SLCO6A1: variants seen among roughly 807,000 people sequenced by gnomAD.
SLCO6A1 encodes solute carrier organic anion transporter family member 6A1, also known as cancer/testis antigen 48.
In SLCO6A1, 65 loss-of-function variants were observed where a neutral mutation model predicts 72.7. That is an observed-to-expected ratio of 0.89 (90% CI 0.73 to 1.10). The LOEUF is 1.10. SLCO6A1 is among the 50% of genes least tolerant of loss of function. The pLI, the probability that SLCO6A1 is intolerant of heterozygous loss-of-function variation, is 0.00. For missense variants in SLCO6A1, 874 were observed against 872.6 expected (o/e 1.00, Z -0.02); for synonymous variants, 314 against 298.2 (o/e 1.05, Z -0.55).
intron 4 of SLCO6A1, among the ~76,000 whole-genome samples, chr5:102,468,454 T>C (rs2112791414): frequency 6.6e-6 from 1 of 152,204 alleles, no homozygotes; most frequent in African/African-American, 2.4e-5. Flanking sequence ...TATTATTGTG[T>C]TGTCATCTAT....
At chr5:102,421,813 T>C (rs1448417031) in intron 7 of SLCO6A1, among the ~76,000 whole-genome samples, 1 of 152,168 alleles carries the variant, frequency 6.6e-6, no homozygotes, top group African/African-American at 2.4e-5. Flanking sequence ...CTGACTCCCA[T>C]GCCTCCTGAC....
intron 9 of SLCO6A1, among the ~76,000 whole-genome samples, chr5:102,401,186 A>T (rs889513470): frequency 1.3e-5 from 2 of 151,050 alleles, no homozygotes; most frequent in African/African-American, 2.4e-5. Flanking sequence ...TGTTTCAAGT[A>T]AAAAAAAAGG....
At chr5:102,491,677 G>A (rs185539846) in intron 1 of SLCO6A1, among the ~76,000 whole-genome samples, 11 of 152,350 alleles carry the variant, frequency 7.2e-5, no homozygotes, top group East Asian at 3.9e-4. Context: ...CCCAGAACTC[G>A]TGCTGGCCCG....
At chr5:102,420,119 CA>C (rs1454550705) in intron 7 of SLCO6A1, 98 bp from the exon 8 acceptor site, 1 of 986,144 alleles carries the variant, frequency 1.0e-6, no homozygotes, top group Non-Finnish European at 1.4e-6. Context: ...AAACATATAG[CA>C]AACATGTATT....
At chr5:102,460,897 C>CTCAT (rs1750991191) in intron 4 of SLCO6A1, among the ~76,000 whole-genome samples, 1 of 34,934 alleles carries the variant, frequency 2.9e-5, no homozygotes, top group East Asian at 7.4e-4. Context: ...ACCCACTTAT[C>CTCAT]TCATATATAT....
At chr5:102,464,447 C>CA (rs548132074) in intron 4 of SLCO6A1, among the ~76,000 whole-genome samples, 11 of 151,604 alleles carry the variant, frequency 7.3e-5, no homozygotes, top group Non-Finnish European at 1.5e-4. Context: ...GAAGCAAATT[C>CA]AAAAAAATAC....
chr5:102,466,177 C>T (rs563485418), intron 4 of SLCO6A1, among the ~76,000 whole-genome samples: 9 of 152,014 alleles, frequency 5.9e-5, no homozygotes, highest in Non-Finnish European at 8.8e-5. Flanking sequence ...TTTTCCTCCC[C>T]CCACCCTCTG....
intron 9 of SLCO6A1, among the ~76,000 whole-genome samples, chr5:102,407,366 T>C (rs1325729234): frequency 6.6e-6 from 1 of 152,226 alleles, no homozygotes; most frequent in Non-Finnish European, 1.5e-5. Flanking sequence ...ACATTGCCTA[T>C]TGGGTACTGC....
At chr5:102,450,158 A>G (rs898273011) in intron 6 of SLCO6A1, among the ~76,000 whole-genome samples, 2 of 152,188 alleles carry the variant, frequency 1.3e-5, no homozygotes, top group African/African-American at 4.8e-5. Flanking sequence ...GTGAATAAGC[A>G]TTGCTGGGGA....
chr5:102,414,627 C>G (rs1561441491), intron 8 of SLCO6A1, among the ~76,000 whole-genome samples: 1 of 152,168 alleles, frequency 6.6e-6, no homozygotes, highest in East Asian at 1.9e-4. Context: ...GGCACGATGG[C>G]TCATGCCTAT....
intron 3 of SLCO6A1, among the ~76,000 whole-genome samples, chr5:102,476,039 A>T (rs1025304137): frequency 6.6e-6 from 1 of 152,130 alleles, no homozygotes; most frequent in African/African-American, 2.4e-5. Flanking sequence ...GATATAATGG[A>T]CTTTGGGGAC....
intron 7 of SLCO6A1, among the ~76,000 whole-genome samples, chr5:102,436,189 TA>T (rs1749526775): frequency 6.6e-6 from 1 of 152,228 alleles, no homozygotes; most frequent in Non-Finnish European, 1.5e-5. Flanking sequence ...TGCCATTGGC[TA>T]CAAGAAGGTG....
chr5:102,445,538 G>A (rs1750062888), intron 6 of SLCO6A1, among the ~76,000 whole-genome samples: 1 of 152,148 alleles, frequency 6.6e-6, no homozygotes, highest in South Asian at 2.1e-4. Context: ...TGTGTACTCT[G>A]TTGATAGTTT....
intron 6 of SLCO6A1, among the ~76,000 whole-genome samples, chr5:102,450,441 G>A (rs186220162): frequency 2.7e-3 from 404 of 152,326 alleles, no homozygotes; most frequent in Non-Finnish European, 5.1e-3. Flanking sequence ...CCAGTAGATG[G>A]CACTTAAGCA....
chr5:102,377,909 T>G (rs1472473529), intron 12 of SLCO6A1, among the ~76,000 whole-genome samples: 1 of 151,532 alleles, frequency 6.6e-6, no homozygotes, highest in Non-Finnish European at 1.5e-5. Context: ...CTTTTTTTTT[T>G]TTTTAATAAA....
At chr5:102,409,789 AAG>A (rs1301299693) in intron 9 of SLCO6A1, among the ~76,000 whole-genome samples, 2 of 152,300 alleles carry the variant, frequency 1.3e-5, no homozygotes, top group Middle Eastern at 3.4e-3. Context: ...GAAAACTATG[AAG>A]AGTTTCATGA....
rs181665533 is a variant in SLCO6A1, at chr5:102,374,104, C to G, written c.2018-610G>C. Among the ~76,000 whole-genome samples, 627 of 151,242 alleles carry G rather than the reference C, an allele frequency of 4.1e-3. 8 individuals carry two copies. Among genetic ancestry groups the G allele is most frequent in the African/African-American group, 0.015 (603 of 41,164 alleles). ...CCAGGCTGGAGTGCAGTGGCACGAT[C>G]TTGGCTTACTGCAGCCTTGACCTTC... On this transcript the variant is annotated intron_variant, in intron 12 of 13. Coordinates refer to ENST00000506729, the MANE Select transcript of SLCO6A1 (RefSeq NM_173488.5).
rs1457802367 is a variant in SLCO6A1 at position 102,459,735 on chromosome 5, C to T, written c.942G>A (p.Trp314Ter). ...CAGCGGCAAAAAGAAAATTAATCCA[C>T]CAAGTCCATAGCCATTCTGGACTAC... ...NNGSPEWLWT[W>*]WINFLFAAVV... The change falls in exon 5 of 14, where the codon TGG becomes TGA. Residue 314 changes from tryptophan to a stop codon, truncating the protein, a stop_gained. Transcript: ENST00000506729. LOFTEE classifies it high-confidence loss of function. 5 of 1,610,640 alleles carry T rather than the reference C, an allele frequency of 3.1e-6. No individual in the cohort carries two copies. Among genetic ancestry groups the T allele is most frequent in the Non-Finnish European group, 4.2e-6 (5 of 1,178,584 alleles).
At chr5:102,454,023 G>A (rs1257163036) in intron 6 of SLCO6A1, among the ~76,000 whole-genome samples, 1 of 152,154 alleles carries the variant, frequency 6.6e-6, no homozygotes, top group Non-Finnish European at 1.5e-5. Context: ...ATATATTAAA[G>A]CTTTCAAAGC....
Sources: gnomAD v4.1 joint callset for allele counts (sites outside exome capture counted in the v4.1 genomes callset) on GRCh38, gnomAD v4.1.1 for gene constraint, MANE v1.5 for transcripts, NCBI Gene and HGNC (gene_info 2026-07-23, HGNC 2026-07-21) for gene names.